SPECC1L: variants seen among roughly 807,000 people sequenced by gnomAD.
SPECC1L encodes the protein cytospin-A.
A neutral mutation model predicts 116.8 loss-of-function variants in SPECC1L; 40 were observed. The observed-to-expected ratio is 0.34, with a 90% CI of 0.27 to 0.45. SPECC1L has a LOEUF of 0.45. Ranked by LOEUF, SPECC1L falls within the 20% of genes least tolerant of loss-of-function variation. The probability of loss-of-function intolerance (pLI) is 1.00; values close to 1 mark genes in which losing one functional copy is unlikely to be tolerated. For synonymous variants in SPECC1L, 504 were observed against 500.6 expected, an observed-to-expected ratio of 1.01 and a Z score of -0.09; for missense variants, 1,110 against 1,373.6, an observed-to-expected ratio of 0.81 and a Z score of 3.03.
chr22:24,393,598 A>C (rs1231059122), intron 14 of SPECC1L, among the ~76,000 whole-genome samples: 1 of 152,178 alleles, frequency 6.6e-6, no homozygotes. Context: ...AAAAAGCTCT[A>C]AAACAGAGAG....
intron 14 of SPECC1L, among the ~76,000 whole-genome samples, chr22:24,409,491 T>C (rs1601367861): frequency 6.6e-6 from 1 of 152,160 alleles, no homozygotes; most frequent in East Asian, 1.9e-4. Context: ...ATATTTTATA[T>C]GATAAAATAC....
At chr22:24,283,048 G>C (rs1569402507) in intron 2 of SPECC1L, among the ~76,000 whole-genome samples, 1 of 151,464 alleles carries the variant, frequency 6.6e-6, no homozygotes, top group African/African-American at 2.4e-5. Flanking sequence ...AAAGTGCTGG[G>C]ATTACAGGCG....
At chr22:24,298,031 A>G (rs995005255) in intron 2 of SPECC1L, among the ~76,000 whole-genome samples, 2 of 152,240 alleles carry the variant, frequency 1.3e-5, no homozygotes, top group Non-Finnish European at 2.9e-5. Flanking sequence ...TGGTATGTAT[A>G]CATGGTCCCC....
chr22:24,313,316 A>G lies in SPECC1L; in HGVS notation c.157A>G (p.Lys53Glu). The G allele has an allele frequency of 1.2e-6, 2 of 1,614,174 alleles. No homozygotes were observed. The highest frequency in any genetic ancestry group is 1.7e-6 in the Non-Finnish European group (2 of 1,180,032). Residue 53 changes from lysine to glutamate, a missense_variant, in exon 4 of 17, where the codon AAG (lysine) becomes GAG (glutamate). Lys to Glu is a moderately conservative substitution (Grantham distance 56). Transcript: ENST00000314328. The part of the protein sequence containing the change: ...PGTAASLSKT[K>E]SSDDLLAGMA... ...TTTTATTTTCTGTTGCTTCTAGACC[A>G]AGAGCAGTGATGACCTTTTAGCTGG...
At chr22:24,360,722 T>A (rs2041627357) in intron 11 of SPECC1L, among the ~76,000 whole-genome samples, 1 of 152,228 alleles carries the variant, frequency 6.6e-6, no homozygotes, top group Non-Finnish European at 1.5e-5. Context: ...TTTCTTAGCT[T>A]GCTGTGTTCT....
At chr22:24,369,848 C>T (rs1386309004) in intron 14 of SPECC1L, among the ~76,000 whole-genome samples, 1 of 152,190 alleles carries the variant, frequency 6.6e-6, no homozygotes, top group Non-Finnish European at 1.5e-5. Context: ...TTAAATATAA[C>T]TTTGGAGAGC....
chr22:24,287,637 C>T (rs964208630), intron 2 of SPECC1L, among the ~76,000 whole-genome samples: 7 of 152,134 alleles, frequency 4.6e-5, no homozygotes, highest in Admixed American at 4.6e-4. Context: ...GAAAGAAACC[C>T]CTGGGAGCTG....
At chr22:24,316,615 G>C (rs1013622731) in intron 4 of SPECC1L, among the ~76,000 whole-genome samples, 2 of 149,152 alleles carry the variant, frequency 1.3e-5, no homozygotes, top group Admixed American at 1.3e-4. Flanking sequence ...AGATCAACAG[G>C]ATCCCAAGGC....
intron 14 of SPECC1L, among the ~76,000 whole-genome samples, chr22:24,372,495 A>G (rs1184513018): frequency 6.6e-6 from 1 of 152,242 alleles, no homozygotes; most frequent in African/African-American, 2.4e-5. Flanking sequence ...AATGTAATCC[A>G]GCATATAAAC....
In SPECC1L at chr22:24,308,513, C is replaced by G. The variant is rs562988718; in HGVS notation, c.154-4800C>G. 6.6e-5 allele frequency among the ~76,000 whole-genome samples: 10 copies of G among 152,336 alleles called. No homozygotes were observed. In the South Asian group the frequency reaches 1.7e-3, roughly 25 times the overall value. ...GGAATACCACAGAAGTGTATGGAAA[C>G]AGATGGCTTCCATGTTTTCCATTGT... On this transcript the variant is annotated intron_variant, in intron 3 of 16. Coordinates refer to ENST00000314328, the MANE Select transcript of SPECC1L (RefSeq NM_015330.6).
intron 11 of SPECC1L, among the ~76,000 whole-genome samples, chr22:24,348,018 A>G (rs976880449): frequency 3.3e-5 from 5 of 152,088 alleles, no homozygotes; most frequent in Admixed American, 3.3e-4. Flanking sequence ...CCAGAACCCA[A>G]GTATCCCACC....
chr22:24,290,291 A>T (rs2049132929), intron 2 of SPECC1L, among the ~76,000 whole-genome samples: 1 of 152,148 alleles, frequency 6.6e-6, no homozygotes, highest in Non-Finnish European at 1.5e-5. Flanking sequence ...TGGAGTGGGG[A>T]GAGGACATAG....
chr22:24,394,453 C>A (rs1317097820), intron 14 of SPECC1L, among the ~76,000 whole-genome samples: 1 of 152,208 alleles, frequency 6.6e-6, no homozygotes, highest in Non-Finnish European at 1.5e-5. Flanking sequence ...CAAAGAACCC[C>A]ACCTCCCTAT....
chr22:24,283,591 C>T (rs2048987518), intron 2 of SPECC1L, among the ~76,000 whole-genome samples: 1 of 152,084 alleles, frequency 6.6e-6, no homozygotes. Flanking sequence ...GTAATGCTGG[C>T]TTCATAGAAT....
At chr22:24,321,158 T>G in intron 4 of SPECC1L, 130 bp from the exon 5 acceptor site, 1 of 1,045,800 alleles carries the variant, frequency 9.6e-7, no homozygotes, top group Non-Finnish European at 1.5e-6. Flanking sequence ...TAAGGCAAGA[T>G]TATTGTAGAT....
chr22:24,381,985 T>C (rs1176752697), intron 14 of SPECC1L, among the ~76,000 whole-genome samples: 1 of 152,106 alleles, frequency 6.6e-6, no homozygotes, highest in Non-Finnish European at 1.5e-5. Context: ...AAAAATAGTT[T>C]CTATTCTCAG....
chr22:24,292,621 C>T (rs577606856), intron 2 of SPECC1L, among the ~76,000 whole-genome samples: 2 of 152,192 alleles, frequency 1.3e-5, no homozygotes, highest in East Asian at 3.9e-4. Context: ...AAGTTCAGTT[C>T]TCTACTCACT....
At chr22:24,380,235 G>C (rs1048242581) in intron 14 of SPECC1L, among the ~76,000 whole-genome samples, 9 of 152,208 alleles carry the variant, frequency 5.9e-5, no homozygotes, top group Non-Finnish European at 1.5e-5. Context: ...GTCAAGAATC[G>C]TATGAGAAGT....
intron 6 of SPECC1L, among the ~76,000 whole-genome samples, chr22:24,328,387 C>T (rs2040872003): frequency 6.6e-6 from 1 of 152,006 alleles, no homozygotes; most frequent in Non-Finnish European, 1.5e-5. Context: ...AGCAGCTACC[C>T]TGAGTATTAT....
Sources: allele counts gnomAD v4.1 joint callset (sites outside exome capture counted in the v4.1 genomes callset), GRCh38; gene constraint gnomAD v4.1.1; transcripts MANE v1.5; gene names NCBI Gene and HGNC (gene_info 2026-07-23, HGNC 2026-07-21).